The following SPOCK1 variants were observed in gnomAD, a reference collection of about 807,000 sequenced individuals.
SPOCK1 encodes SPARC (osteonectin), cwcv and kazal like domains proteoglycan 1.
SPOCK1 carries 23 observed loss-of-function variants against 55.3 expected under a neutral mutation model. That is an observed-to-expected ratio of 0.42 (90% CI 0.30 to 0.59). SPOCK1 has a LOEUF of 0.59. Ranked by LOEUF, SPOCK1 falls within the 20% of genes least tolerant of loss-of-function variation. The pLI is 0.22. For synonymous variants in SPOCK1, 226 were observed against 221.0 expected, an observed-to-expected ratio of 1.02 and a Z score of -0.20; for missense variants, 499 against 552.5, an observed-to-expected ratio of 0.90 and a Z score of 0.97.
intron 3 of SPOCK1, among the ~76,000 whole-genome samples, chr5:137,202,642 T>C (rs937668766): frequency 6.6e-6 from 1 of 152,242 alleles, no homozygotes; most frequent in Non-Finnish European, 1.5e-5. Flanking sequence ...CCTCAGTTTG[T>C]AAATGAATTA....
chr5:137,450,941 T>A (rs76446662), intron 2 of SPOCK1, among the ~76,000 whole-genome samples: 2,235 of 152,144 alleles, frequency 0.015, 28 homozygotes, highest in East Asian at 0.02. Context: ...CCTCCACAGC[T>A]CATCTTCCCT....
Position 136,988,492 on chromosome 5 carries a change from G to A in SPOCK1, c.858C>T (p.Asn286=), listed in dbSNP as rs769488369. ...TGCCATCCTTGAAGGAGTCACACGA[G>A]TTGAAAAGAGGCTTGATACAGGGCT... ...KYEPCIKPLF[N]SCDSFKDGKL... Residue 286 remains asparagine, a synonymous_variant, in exon 8 of 11, where the codon AAC becomes AAT. Coordinates refer to ENST00000394945, the MANE Select transcript of SPOCK1 (RefSeq NM_004598.4). 6.2e-7 allele frequency: 1 copy of A among 1,614,160 alleles called. No individual in the cohort carries two copies. Among genetic ancestry groups the A allele is most frequent in the Non-Finnish European group, 8.5e-7 (1 of 1,180,012 alleles).
intron 3 of SPOCK1, among the ~76,000 whole-genome samples, chr5:137,263,480 G>A (rs983223200): frequency 6.6e-6 from 1 of 152,194 alleles, no homozygotes; most frequent in Non-Finnish European, 1.5e-5. Context: ...TCACCCCAGA[G>A]CTCTGCAGCC....
At chr5:137,356,873 A>AGAGAGAGAGAGAGAGATAGT (rs796667572) in intron 2 of SPOCK1, among the ~76,000 whole-genome samples, 2 of 69,824 alleles carry the variant, frequency 2.9e-5, no homozygotes, top group African/African-American at 1.5e-4. Context: ...AGAGAGAGAG[A>AGAGAGAGAGAGAGAGATAGT]GAGTATGCAG....
chr5:137,045,152 T>A (rs1205018009), intron 6 of SPOCK1, among the ~76,000 whole-genome samples: 1 of 151,390 alleles, frequency 6.6e-6, no homozygotes, highest in Non-Finnish European at 1.5e-5. Context: ...CTTTTAGGTA[T>A]ATACCCAGTA....
At chr5:137,193,369 T>C (rs1054281179) in intron 3 of SPOCK1, among the ~76,000 whole-genome samples, 1 of 151,712 alleles carries the variant, frequency 6.6e-6, no homozygotes, top group African/African-American at 2.4e-5. Flanking sequence ...AGGTAGAAAG[T>C]GATGGAAGGG....
intron 6 of SPOCK1, among the ~76,000 whole-genome samples, chr5:137,007,433 A>C (rs1751270493): frequency 6.6e-6 from 1 of 152,204 alleles, no homozygotes. Flanking sequence ...ACTACAAGAA[A>C]CTTAAATTTA....
At chr5:137,242,048 GA>G (rs1756292554) in intron 3 of SPOCK1, among the ~76,000 whole-genome samples, 1 of 152,204 alleles carries the variant, frequency 6.6e-6, no homozygotes, top group Non-Finnish European at 1.5e-5. Context: ...AGGATAGGTT[GA>G]ATAAGTTATG....
intron 2 of SPOCK1, among the ~76,000 whole-genome samples, chr5:137,408,889 C>CA (rs1356361987): frequency 6.6e-6 from 1 of 151,946 alleles, no homozygotes. Context: ...TTTCCTCAAC[C>CA]AAAAAAATGG....
intron 3 of SPOCK1, among the ~76,000 whole-genome samples, chr5:137,255,046 G>T (rs1756607911): frequency 6.6e-6 from 1 of 152,202 alleles, no homozygotes; most frequent in Non-Finnish European, 1.5e-5. Context: ...CATGTATCAA[G>T]CCAGGCCTTT....
intron 5 of SPOCK1, among the ~76,000 whole-genome samples, chr5:137,075,378 C>T (rs532252181): frequency 2.0e-5 from 3 of 152,274 alleles, no homozygotes; most frequent in East Asian, 1.9e-4. Context: ...CGCTAGAGGG[C>T]GGCTCTCGGG....
At chr5:137,230,363 AT>A (rs746518167) in intron 3 of SPOCK1, among the ~76,000 whole-genome samples, 4 of 152,212 alleles carry the variant, frequency 2.6e-5, no homozygotes, top group Non-Finnish European at 4.4e-5. Flanking sequence ...TGCAAAATGA[AT>A]GTTAGAAGGA....
chr5:137,134,672 C>A (rs76667027), intron 4 of SPOCK1, among the ~76,000 whole-genome samples: 19,202 of 152,318 alleles, frequency 0.13, 1,384 homozygotes, highest in East Asian at 0.22. Flanking sequence ...GAATTACCCA[C>A]CTCCTGCATG....
chr5:137,072,603 G>T (rs192872643), intron 5 of SPOCK1, among the ~76,000 whole-genome samples: 6 of 152,160 alleles, frequency 3.9e-5, no homozygotes. Context: ...TTCCGTAAAT[G>T]GTCAGTAAAT....
At chr5:137,328,135 C>G (rs762774164) in intron 2 of SPOCK1, among the ~76,000 whole-genome samples, 9 of 152,152 alleles carry the variant, frequency 5.9e-5, no homozygotes, top group Non-Finnish European at 1.0e-4. Flanking sequence ...TTGGACTGAC[C>G]AATAAATCTG....
At chr5:137,018,358 G>A (rs1226452826) in intron 6 of SPOCK1, among the ~76,000 whole-genome samples, 1 of 152,172 alleles carries the variant, frequency 6.6e-6, no homozygotes, top group Non-Finnish European at 1.5e-5. Flanking sequence ...TGGTCAACGT[G>A]GAACCATCAC....
chr5:137,142,711 G>A (rs1754122058), intron 3 of SPOCK1, among the ~76,000 whole-genome samples: 1 of 152,246 alleles, frequency 6.6e-6, no homozygotes, highest in East Asian at 1.9e-4. Context: ...AGGGCCCTGT[G>A]TCTGCCTTCA....
chr5:137,203,400 C>G (rs537865499), intron 3 of SPOCK1, among the ~76,000 whole-genome samples: 2 of 151,942 alleles, frequency 1.3e-5, no homozygotes, highest in East Asian at 3.9e-4. Context: ...AACATTTCCC[C>G]AAATTAGGGT....
At chr5:137,479,487 C>T (rs1753903877) in intron 2 of SPOCK1, among the ~76,000 whole-genome samples, 1 of 152,204 alleles carries the variant, frequency 6.6e-6, no homozygotes, top group African/African-American at 2.4e-5. Flanking sequence ...CATGTGACTT[C>T]TCCACCTCCT....
Sources: allele counts gnomAD v4.1 joint callset (sites outside exome capture counted in the v4.1 genomes callset), GRCh38; gene constraint gnomAD v4.1.1; transcripts MANE v1.5; gene names NCBI Gene and HGNC (gene_info 2026-07-23, HGNC 2026-07-21).